URGCP: variants seen among roughly 807,000 people sequenced by gnomAD.
URGCP encodes the protein up-regulator of cell proliferation.
URGCP carries 13 observed loss-of-function variants against 24.6 expected under a neutral mutation model. The observed-to-expected ratio is 0.53, with a 90% CI of 0.34 to 0.84. The LOEUF is 0.84. Ranked by LOEUF, URGCP falls within the 40% of genes least tolerant of loss-of-function variation. The pLI is 0.01. For synonymous variants in URGCP, 444 were observed against 487.2 expected (o/e 0.91, Z 1.17); for missense variants, 899 against 1,194.3 (o/e 0.75, Z 3.64).
chr7:43,917,155 G>GT (rs1161417335), intron 1 of URGCP, among the ~76,000 whole-genome samples: 1 of 152,144 alleles, frequency 6.6e-6, no homozygotes, highest in African/African-American at 2.4e-5. Context: ...AAGGGTAGGA[G>GT]TTTTTTTGTT....
At chr7:43,887,588 A>G in intron 2 of URGCP, 103 bp from the exon 3 acceptor site, 3 of 1,514,250 alleles carry the variant, frequency 2.0e-6, no homozygotes, top group Non-Finnish European at 2.7e-6. Flanking sequence ...TTTAAAAACT[A>G]TAAACCCTGG....
At chr7:43,895,321 T>A (rs892683457) in intron 1 of URGCP, among the ~76,000 whole-genome samples, 2 of 151,748 alleles carry the variant, frequency 1.3e-5, no homozygotes, top group Non-Finnish European at 2.9e-5. Flanking sequence ...TCCCTAATCA[T>A]CAAGGAAATG....
intron 1 of URGCP, among the ~76,000 whole-genome samples, chr7:43,898,869 G>C (rs2095884105): frequency 6.7e-6 from 1 of 149,646 alleles, no homozygotes; most frequent in African/African-American, 2.4e-5. Context: ...GGGTGTGGTG[G>C]CTCATGCCTG....
At chr7:43,902,713 G>A (rs2095893620) in intron 1 of URGCP, among the ~76,000 whole-genome samples, 1 of 152,222 alleles carries the variant, frequency 6.6e-6, no homozygotes. Flanking sequence ...TTTCATGTAT[G>A]ATGTCATCAT....
chr7:43,902,623 T>C (rs2095893384), intron 1 of URGCP, among the ~76,000 whole-genome samples: 1 of 152,270 alleles, frequency 6.6e-6, no homozygotes, highest in African/African-American at 2.4e-5. Context: ...ATGAAGTTTC[T>C]ATCTTTAAAG....
In URGCP at chr7:43,879,199, C is replaced by T; in HGVS notation, c.264G>A (p.Gln88=). 1 of 1,613,856 alleles carries T rather than the reference C, an allele frequency of 6.2e-7. No individual in the cohort carries two copies. Among genetic ancestry groups the T allele is most frequent in the East Asian group, 2.2e-5 (1 of 44,890 alleles). Residue 88 remains glutamine, a synonymous_variant, in exon 6 of 6, where the codon CAG becomes CAA. Coordinates refer to ENST00000453200, the MANE Select transcript of URGCP (RefSeq NM_001077663.3). ...GCAGAGAGTCCTGGAGGCTGAGTTT[C>T]TGGACCTGGTACGTCTCTAGGCCCA... ...SLLGLETYQV[Q]KLSLQDSLQI... is the part of the protein sequence containing the mutation.
upstream of URGCP, among the ~76,000 whole-genome samples, chr7:43,908,628 A>C (rs1183675824): frequency 6.6e-6 from 1 of 152,212 alleles, no homozygotes; most frequent in Non-Finnish European, 1.5e-5. Context: ...ACCACACCTG[A>C]AAAGACCCTT....
Position 43,876,578 on chromosome 7 carries a change from G to A in URGCP, c.*89C>T. On this transcript the variant is annotated 3_prime_UTR_variant, in exon 6 of 6. Coordinates refer to ENST00000453200, the MANE Select transcript of URGCP (RefSeq NM_001077663.3). ...GTCGATTGGGCACCAGCCATTCTCA[G>A]GCACCAGAGCACAGCCCCACACGGG... 1.4e-6 allele frequency: 2 copies of A among 1,410,614 alleles called. No homozygotes were observed. Among genetic ancestry groups the A allele is most frequent in the Non-Finnish European group, 1.9e-6 (2 of 1,036,374 alleles). 87.4% of individuals were successfully genotyped at this position (1,410,614 alleles called of 1,614,324 possible).
Position 43,876,207 on chromosome 7 carries a change from T to C in URGCP, c.*460A>G, listed in dbSNP as rs17172255. 0.06 allele frequency: 10,146 copies of C among 169,548 alleles called. 1,146 individuals carry two copies. The highest frequency in any genetic ancestry group is 0.23 in the African/African-American group (9,528 of 41,722). The allele number at this position is 169,548 out of a possible 1,614,324, so 10.5% of individuals were successfully genotyped here. ...TTGCACACCACGGGCACTCACATCT[T>C]GAATGCTGGTCCACTGGAGGCCCTT... is the stretch of plus-strand genomic sequence containing the variant. On this transcript the variant is annotated 3_prime_UTR_variant, in exon 6 of 6. Transcript: ENST00000453200.
At chr7:43,907,952 C>G (rs1392352213), upstream of URGCP, among the ~76,000 whole-genome samples, 2 of 152,150 alleles carry the variant, frequency 1.3e-5, no homozygotes, top group Non-Finnish European at 2.9e-5. Context: ...GCCACGCGAA[C>G]TTGTGACACC....
chr7:43,906,470 A>G, intron 1 of URGCP, 92 bp downstream of exon 1: 1 of 1,093,778 alleles, frequency 9.1e-7, no homozygotes, highest in Non-Finnish European at 1.1e-6. Context: ...GCCGCATCCC[A>G]GACCAGAGCC....
In URGCP at chr7:43,876,876, C is replaced by A. The variant is rs2095845340; in HGVS notation, c.2587G>T (p.Ala863Ser). 6.2e-7 allele frequency: 1 copy of A among 1,613,902 alleles called. No homozygotes were observed. Among genetic ancestry groups the A allele is most frequent in the Non-Finnish European group, 8.5e-7 (1 of 1,180,032 alleles). The change falls in exon 6 of 6, where the codon GCA becomes TCA. Residue 863 changes from alanine to serine, a missense_variant. By Grantham distance (99) the Ala-to-Ser change is moderately conservative. Coordinates refer to ENST00000453200, the MANE Select transcript of URGCP (RefSeq NM_001077663.3). ...TCAGGGTCGCAGAAGGCCAGGCCTG[C>A]CAGTGCCCGGAAGCCGTCGCCCTGT... The part of the protein sequence containing the change: ...EKQGDGFRAL[A>S]GLAFCDPEKQ...
upstream of URGCP, among the ~76,000 whole-genome samples, chr7:43,910,356 C>T (rs957446433): frequency 6.6e-5 from 10 of 150,678 alleles, no homozygotes; most frequent in South Asian, 1.0e-3. Flanking sequence ...GCTGGGACTA[C>T]AGGCATGTGC....
At chr7:43,926,378 G>T (rs2095930459) in exon 1 of URGCP, 1 of 479,216 alleles carries the variant, frequency 2.1e-6, no homozygotes, top group African/African-American at 2.1e-5. Context: ...GCCGCGCCAG[G>T]ACGCTCGGCA....
chr7:43,893,914 T>C (rs2095874698), intron 1 of URGCP, among the ~76,000 whole-genome samples: 1 of 151,882 alleles, frequency 6.6e-6, no homozygotes, highest in Admixed American at 6.6e-5. Flanking sequence ...AAATATTCCA[T>C]GCAAATGGAA....
intron 5 of URGCP, chr7:43,881,398 C>T (rs113004659): frequency 3.3e-6 from 2 of 608,290 alleles, no homozygotes; most frequent in African/African-American, 3.8e-5. Context: ...AACATGCTAA[C>T]TTATTAAAGG....
At position 43,877,033 on chromosome 7, in the gene URGCP, C is replaced by T. The variant is rs1435149468; in HGVS notation, c.2430G>A (p.Gly810=). ...LHAFLRLEKT[G]HMPNYQFVYQ... ...ATACAAACTGGTAGTTGGGCATGTGCCCCGTTTTTTCTAACCTCAGAAATG... is the reference window on the plus strand; with the variant it reads ...ATACAAACTGGTAGTTGGGCATGTGTCCCGTTTTTTCTAACCTCAGAAATG... Residue 810 remains glycine, a synonymous_variant, in exon 6 of 6, where the codon GGG becomes GGA. Coordinates refer to ENST00000453200, the MANE Select transcript of URGCP (RefSeq NM_001077663.3). 6.2e-7 allele frequency: 1 copy of T among 1,614,212 alleles called. No homozygotes were observed. The highest frequency in any genetic ancestry group is 8.5e-7 in the Non-Finnish European group (1 of 1,180,034).
intron 1 of URGCP, chr7:43,918,625 T>C: frequency 3.5e-6 from 2 of 565,842 alleles, no homozygotes; most frequent in South Asian, 2.1e-5. Context: ...TAATTAAAAG[T>C]GGATATCTGG....
intron 1 of URGCP, among the ~76,000 whole-genome samples, chr7:43,893,408 C>T (rs2095873936): frequency 6.6e-6 from 1 of 152,208 alleles, no homozygotes; most frequent in Non-Finnish European, 1.5e-5. Context: ...GTAGTCCCAG[C>T]TACTCAGGAG....
Sources: gnomAD v4.1 joint callset for allele counts (sites outside exome capture counted in the v4.1 genomes callset) on GRCh38, gnomAD v4.1.1 for gene constraint, MANE v1.5 for transcripts, NCBI Gene and HGNC (gene_info 2026-07-23, HGNC 2026-07-21) for gene names.